Variants in GRK5 observed in about 807,000 individuals in gnomAD.
The protein encoded by GRK5 is g protein-coupled receptor kinase GRK5.
Under a neutral mutation model 78.4 loss-of-function variants are expected in GRK5, and 40 were observed. That is an observed-to-expected ratio of 0.51 (90% CI 0.40 to 0.66). GRK5 has a LOEUF of 0.66. Ranked by LOEUF, GRK5 falls within the 30% of genes least tolerant of loss-of-function variation. The probability of loss-of-function intolerance (pLI) is 0.00; values close to 1 mark genes in which losing one functional copy is unlikely to be tolerated. For missense variants in GRK5, 598 were observed against 759.9 expected, an observed-to-expected ratio of 0.79 and a Z score of 2.50; for synonymous variants, 289 against 296.8, an observed-to-expected ratio of 0.97 and a Z score of 0.27.
At chr10:119,281,502 C>T (rs1849761588) in intron 1 of GRK5, among the ~76,000 whole-genome samples, 1 of 152,164 alleles carries the variant, frequency 6.6e-6, no homozygotes, top group South Asian at 2.1e-4. Flanking sequence ...CACGGCTCAC[C>T]CCTGGTGCTT....
rs142323287 is a variant in GRK5 at position 119,224,851 on chromosome 10, A to G, written c.52+16882A>G. ...AAGGGAAAAGGAGAGTGTGCCACTC[A>G]TGTGCTGTGTGGCTCCTCTCCAAGC... On this transcript the variant is annotated intron_variant, in intron 1 of 15. Transcript: ENST00000392870. 1.0e-3 allele frequency among the ~76,000 whole-genome samples: 159 copies of G among 152,334 alleles called. 1 individual carries two copies. Among genetic ancestry groups the G allele is most frequent in the African/African-American group, 3.5e-3 (146 of 41,582 alleles).
chr10:119,289,597 C>T (rs1309198153), intron 1 of GRK5, among the ~76,000 whole-genome samples: 1 of 152,206 alleles, frequency 6.6e-6, no homozygotes, highest in Admixed American at 6.5e-5. Context: ...GTCACACAGC[C>T]ACCTGGATAG....
intron 1 of GRK5, among the ~76,000 whole-genome samples, chr10:119,246,326 A>C (rs1325850737): frequency 1.3e-5 from 2 of 152,194 alleles, no homozygotes; most frequent in Non-Finnish European, 2.9e-5. Flanking sequence ...TTCAGGGAAT[A>C]ATGACAAGAA....
At chr10:119,451,135 A>C (rs117125959) in intron 13 of GRK5, among the ~76,000 whole-genome samples, 16,034 of 47,064 alleles carry the variant, frequency 0.34, 1,041 homozygotes, top group East Asian at 0.49. Context: ...ACAGTCATCC[A>C]TGCCAGCCCC....
At chr10:119,360,853 C>T (rs1269108888) in intron 2 of GRK5, among the ~76,000 whole-genome samples, 1 of 152,204 alleles carries the variant, frequency 6.6e-6, no homozygotes, top group Non-Finnish European at 1.5e-5. Flanking sequence ...ACACAGCTCC[C>T]TTCCTGCCCG....
intron 2 of GRK5, among the ~76,000 whole-genome samples, chr10:119,337,314 C>A (rs1463738805): frequency 6.6e-6 from 1 of 152,180 alleles, no homozygotes; most frequent in Non-Finnish European, 1.5e-5. Flanking sequence ...CAGGCTCTCT[C>A]CCCTACTGCG....
chr10:119,393,755 C>T (rs1395123404), intron 3 of GRK5, among the ~76,000 whole-genome samples: 2 of 152,192 alleles, frequency 1.3e-5, no homozygotes, highest in Non-Finnish European at 1.5e-5. Flanking sequence ...ACCTCTTAGA[C>T]CCTTAGTTTC....
chr10:119,355,780 CACA>C (rs143956516), intron 2 of GRK5, among the ~76,000 whole-genome samples: 5,601 of 151,502 alleles, frequency 0.037, 193 homozygotes, highest in Admixed American at 0.092. Context: ...AAGACTCTAT[CACA>C]ACAACAACAA....
intron 3 of GRK5, among the ~76,000 whole-genome samples, chr10:119,393,856 T>C (rs1413738451): frequency 6.6e-6 from 1 of 152,028 alleles, no homozygotes; most frequent in Non-Finnish European, 1.5e-5. Flanking sequence ...CAGCACTCCA[T>C]ATGGGGTGTG....
chr10:119,225,791 C>G (rs1441020779), intron 1 of GRK5, among the ~76,000 whole-genome samples: 2 of 151,016 alleles, frequency 1.3e-5, no homozygotes, highest in East Asian at 3.9e-4. Flanking sequence ...CTGTCTCAGC[C>G]TCCTGAGTAG....
intron 1 of GRK5, among the ~76,000 whole-genome samples, chr10:119,291,252 C>T (rs1024904043): frequency 3.3e-5 from 5 of 152,154 alleles, no homozygotes; most frequent in African/African-American, 9.7e-5. Context: ...AAGCAGGGCT[C>T]CTTTGGATTT....
At chr10:119,209,978 A>T (rs1354418229) in intron 1 of GRK5, among the ~76,000 whole-genome samples, 1 of 152,020 alleles carries the variant, frequency 6.6e-6, no homozygotes, top group Non-Finnish European at 1.5e-5. Context: ...TTTTTCACCA[A>T]CGTGAATTTA....
Position 119,396,766 on chromosome 10 carries a change from C to A in GRK5, c.333C>A (p.Thr111=). ...KGKEIMTKYL[T]PKSPVFIAQV... ...AGGAAATTATGACCAAGTACCTCACCCCAAAGGTAAGGAGTCTTCCAAACC... is the reference window on the plus strand; with the variant it reads ...AGGAAATTATGACCAAGTACCTCACACCAAAGGTAAGGAGTCTTCCAAACC... Residue 111 remains threonine, a synonymous_variant, in exon 4 of 16, where the codon ACC becomes ACA. Coordinates refer to ENST00000392870, the MANE Select transcript of GRK5 (RefSeq NM_005308.3). 6.2e-7 allele frequency: 1 copy of A among 1,612,666 alleles called. No individual in the cohort carries two copies. Among genetic ancestry groups the A allele is most frequent in the Non-Finnish European group, 8.5e-7 (1 of 1,178,654 alleles).
intron 3 of GRK5, among the ~76,000 whole-genome samples, chr10:119,382,425 T>C (rs1353275148): frequency 1.3e-5 from 2 of 152,200 alleles, no homozygotes; most frequent in African/African-American, 2.4e-5. Context: ...CTTTTTATTA[T>C]GGAAAATTTC....
intron 1 of GRK5, among the ~76,000 whole-genome samples, chr10:119,308,351 G>A (rs1850304898): frequency 6.6e-6 from 1 of 151,624 alleles, no homozygotes; most frequent in Non-Finnish European, 1.5e-5. Flanking sequence ...GAAATTGTGT[G>A]CTCATGGTAG....
chr10:119,369,063 G>A lies in GRK5; in HGVS notation c.149-11752G>A, dbSNP rs113112791. ...TGTGCTCCTGCCTGGGCCGGGCACT[G>A]ATCCAGGTGGTGGGGATAAAATGGT... is the stretch of plus-strand genomic sequence containing the variant. On this transcript the variant is annotated intron_variant, in intron 2 of 15. Coordinates refer to ENST00000392870, the MANE Select transcript of GRK5 (RefSeq NM_005308.3). Among the ~76,000 whole-genome samples, 286 of 152,314 alleles carry A rather than the reference G, an allele frequency of 1.9e-3. 2 individuals carry two copies. The highest frequency in any genetic ancestry group is 6.5e-3 in the African/African-American group (271 of 41,574).
At chr10:119,394,829 GTGTC>G (rs1564918134) in intron 3 of GRK5, among the ~76,000 whole-genome samples, 3 of 150,424 alleles carry the variant, frequency 2.0e-5, no homozygotes, top group South Asian at 2.1e-4. Context: ...GTGTGTATCT[GTGTC>G]TGTGGGCACG....
intron 1 of GRK5, among the ~76,000 whole-genome samples, chr10:119,313,143 G>A (rs1242547867): frequency 2.0e-5 from 3 of 150,668 alleles, no homozygotes; most frequent in African/African-American, 7.4e-5. Context: ...AATGATGGTA[G>A]TGGTGATGGT....
At chr10:119,277,544 C>T (rs557429858) in intron 1 of GRK5, among the ~76,000 whole-genome samples, 2 of 152,240 alleles carry the variant, frequency 1.3e-5, no homozygotes, top group Admixed American at 6.5e-5. Flanking sequence ...CCCAGGAATC[C>T]GTACTCTTTC....
Sources: allele counts gnomAD v4.1 joint callset (sites outside exome capture counted in the v4.1 genomes callset), GRCh38; gene constraint gnomAD v4.1.1; transcripts MANE v1.5; gene names NCBI Gene and HGNC (gene_info 2026-07-23, HGNC 2026-07-21).